B4GALT5: variants seen among roughly 807,000 people sequenced by gnomAD.
The protein encoded by B4GALT5 is UDP-Gal:beta-GlcNAc beta-1,4-galactosyltransferase 5.
In B4GALT5, 11 loss-of-function variants were observed where a neutral mutation model predicts 45.0. The observed-to-expected ratio is 0.24, with a 90% CI of 0.15 to 0.40. The LOEUF (loss-of-function observed/expected upper bound fraction) is 0.40, where lower values mean the gene tolerates loss of function less well. Ranked by LOEUF, B4GALT5 falls within the 10% of genes least tolerant of loss-of-function variation. The pLI, the probability that B4GALT5 is intolerant of heterozygous loss-of-function variation, is 1.00. For synonymous variants in B4GALT5, 185 were observed against 182.9 expected (o/e 1.01, Z -0.09); for missense variants, 337 against 500.2 (o/e 0.67, Z 3.11).
chr20:49,679,676 C>CAA (rs879590558), intron 1 of B4GALT5, among the ~76,000 whole-genome samples: 3 of 136,934 alleles, frequency 2.2e-5, no homozygotes, highest in South Asian at 2.4e-4. Flanking sequence ...ACTACATCTT[C>CAA]AAAAAAAACA....
chr20:49,635,312 C>T lies in B4GALT5; in HGVS notation c.*1000G>A, dbSNP rs544520590. Reference sequence around the variant, plus strand: ...CCAGAGATGTGTGTGCAGCGAGCCCCGAAGGGCCTGCTTTAGGCAGGAAGC... The same window carrying T: ...CCAGAGATGTGTGTGCAGCGAGCCCTGAAGGGCCTGCTTTAGGCAGGAAGC... On this transcript the variant is annotated 3_prime_UTR_variant, in exon 9 of 9. Transcript: ENST00000371711. 1 of 151,370 alleles carries T rather than the reference C, an allele frequency of 6.6e-6. No homozygotes were observed. The highest frequency in any genetic ancestry group is 2.4e-5 in the African/African-American group (1 of 41,152). 9.4% of individuals were successfully genotyped at this position (151,370 alleles called of 1,614,324 possible). A position where few individuals can be genotyped will look rare whatever the true frequency, so the allele number is the denominator to read the frequency against.
chr20:49,671,317 G>T (rs181152862), intron 1 of B4GALT5, among the ~76,000 whole-genome samples: 76 of 152,288 alleles, frequency 5.0e-4, no homozygotes, highest in Non-Finnish European at 8.8e-5. Context: ...AGAGGTTGTG[G>T]TGAGTTGAAA....
At chr20:49,709,439 T>C (rs1027662793) in intron 1 of B4GALT5, among the ~76,000 whole-genome samples, 1 of 152,178 alleles carries the variant, frequency 6.6e-6, no homozygotes, top group Non-Finnish European at 1.5e-5. Flanking sequence ...TCCTTTTAAA[T>C]TGCTGATATA....
chr20:49,687,610 C>A lies in B4GALT5; in HGVS notation c.115+25966G>T, dbSNP rs111728106. On this transcript the variant is annotated intron_variant, in intron 1 of 8. Coordinates refer to ENST00000371711, the MANE Select transcript of B4GALT5 (RefSeq NM_004776.4). ...AGTGAGCCAAGATTGCACCACTGCA[C>A]TCCAGCCTGGGTAACAGAGCAAGAC... 1.8e-3 allele frequency among the ~76,000 whole-genome samples: 275 copies of A among 152,172 alleles called. 1 individual carries two copies. The highest frequency in any genetic ancestry group is 6.3e-3 in the African/African-American group (263 of 41,518).
At chr20:49,665,139 TG>T (rs2146341256) in intron 1 of B4GALT5, among the ~76,000 whole-genome samples, 1 of 152,188 alleles carries the variant, frequency 6.6e-6, no homozygotes, top group African/African-American at 2.4e-5. Flanking sequence ...GAAACAGAGC[TG>T]GGCACAGTGG....
intron 1 of B4GALT5, among the ~76,000 whole-genome samples, chr20:49,709,891 T>G (rs189152536): frequency 1.1e-3 from 160 of 152,370 alleles, no homozygotes; most frequent in Non-Finnish European, 1.8e-3. Flanking sequence ...TAGTCTTATT[T>G]AGTAATTTTC....
intron 1 of B4GALT5, among the ~76,000 whole-genome samples, chr20:49,703,730 A>AAAAAAAAATAATAAT (rs1555814915): frequency 4.4e-4 from 63 of 144,640 alleles, no homozygotes; most frequent in Non-Finnish European, 7.6e-4. Flanking sequence ...TTCTACTAAA[A>AAAAAAAAATAATAAT]AAAAAAAAAA....
intron 2 of B4GALT5, among the ~76,000 whole-genome samples, chr20:49,654,377 G>A (rs1333513325): frequency 2.0e-5 from 3 of 152,300 alleles, no homozygotes; most frequent in Non-Finnish European, 4.4e-5. Flanking sequence ...CATGCAAGAC[G>A]GAAACTGCAG....
intron 1 of B4GALT5, among the ~76,000 whole-genome samples, chr20:49,667,894 T>A (rs920004677): frequency 1.3e-5 from 2 of 152,238 alleles, no homozygotes; most frequent in Non-Finnish European, 2.9e-5. Context: ...ACTCATACTA[T>A]GCATTACATA....
intron 1 of B4GALT5, among the ~76,000 whole-genome samples, chr20:49,686,318 C>T (rs2085785288): frequency 6.6e-6 from 1 of 152,062 alleles, no homozygotes; most frequent in South Asian, 2.1e-4. Flanking sequence ...TTGGTTTGCT[C>T]CTGTCAGTTT....
intron 1 of B4GALT5, among the ~76,000 whole-genome samples, chr20:49,674,725 G>T (rs907487602): frequency 1.1e-4 from 16 of 151,850 alleles, no homozygotes; most frequent in African/African-American, 3.9e-4. Context: ...AAAAAGAATT[G>T]CATTTAGTCT....
At chr20:49,683,391 T>A (rs930255382) in intron 1 of B4GALT5, among the ~76,000 whole-genome samples, 1 of 143,048 alleles carries the variant, frequency 7.0e-6, no homozygotes, top group African/African-American at 2.7e-5. Flanking sequence ...TTAAATTTTT[T>A]TTTTTTTTTT....
At chr20:49,690,263 C>T (rs2085804664) in intron 1 of B4GALT5, among the ~76,000 whole-genome samples, 1 of 152,200 alleles carries the variant, frequency 6.6e-6, no homozygotes, top group Admixed American at 6.5e-5. Flanking sequence ...ACTTCCGCCT[C>T]CCAAAGTGCG....
chr20:49,643,478 A>G (rs1008794521), intron 4 of B4GALT5, 48 bp downstream of exon 4: 1 of 1,605,484 alleles, frequency 6.2e-7, no homozygotes, highest in Non-Finnish European at 8.5e-7. Flanking sequence ...ACCAAAGGCA[A>G]ACCCCAGGTG....
At chr20:49,710,930 A>C (rs994465413) in intron 1 of B4GALT5, among the ~76,000 whole-genome samples, 2 of 152,060 alleles carry the variant, frequency 1.3e-5, no homozygotes, top group Non-Finnish European at 2.9e-5. Flanking sequence ...AACTGTTTTA[A>C]AAGTTAGCCA....
intron 1 of B4GALT5, among the ~76,000 whole-genome samples, chr20:49,679,911 A>G (rs1440702354): frequency 2.0e-5 from 3 of 152,178 alleles, no homozygotes; most frequent in Non-Finnish European, 4.4e-5. Flanking sequence ...ATATTACAGG[A>G]CTTGGCCCCT....
chr20:49,643,582 G>T lies in B4GALT5; in HGVS notation c.433C>A (p.Pro145Thr), dbSNP rs768111785. The change falls in exon 4 of 9, where the codon CCA becomes ACA. Residue 145 changes from proline (P) to threonine (T), a missense_variant. By Grantham distance (38) the Pro-to-Thr change is conservative. Around this residue, in one of 2 missense-constraint regions of B4GALT5, gnomAD observed 174 missense variants for 207.4 expected, o/e 0.84. Coordinates refer to ENST00000371711, the MANE Select transcript of B4GALT5 (RefSeq NM_004776.4). ...CAGTGACCTCCGAGCTTGATGGTTGGGTCTTTGGAGAAGAGTTCATGAATG... is the reference window on the plus strand; with the variant it reads ...CAGTGACCTCCGAGCTTGATGGTTGTGTCTTTGGAGAAGAGTTCATGAATG... The part of the protein sequence containing the change: ...DYIHELFSKD[P>T]TIKLGGHWKP... 6.2e-7 allele frequency: 1 copy of T among 1,613,950 alleles called. No homozygotes were observed. The highest frequency in any genetic ancestry group is 8.5e-7 in the Non-Finnish European group (1 of 1,179,968).
chr20:49,686,267 C>T (rs2085785065), intron 1 of B4GALT5, among the ~76,000 whole-genome samples: 1 of 152,154 alleles, frequency 6.6e-6, no homozygotes, highest in Admixed American at 6.5e-5. Flanking sequence ...ACCTTACATT[C>T]CAAATGGTTA....
chr20:49,697,240 T>C (rs2085842953), intron 1 of B4GALT5, among the ~76,000 whole-genome samples: 1 of 152,344 alleles, frequency 6.6e-6, no homozygotes, highest in East Asian at 1.9e-4. Flanking sequence ...CCCAGGCAGT[T>C]GTTGTCTGCT....
Sources: gnomAD v4.1 joint callset for allele counts (sites outside exome capture counted in the v4.1 genomes callset) on GRCh38, gnomAD v4.1.1 for gene constraint, gnomAD v4.1.1 regional missense constraint, MANE v1.5 for transcripts, NCBI Gene and HGNC (gene_info 2026-07-23, HGNC 2026-07-21) for gene names.